Variants in NIM1K observed in about 807,000 individuals in gnomAD.
The protein encoded by NIM1K is NIM1 serine/threonine protein kinase.
In NIM1K, 35 loss-of-function variants were observed where a neutral mutation model predicts 37.1. The ratio of observed to expected loss-of-function variants is 0.94; its 90% CI spans 0.72 to 1.25. The LOEUF (loss-of-function observed/expected upper bound fraction) is 1.25, where lower values mean the gene tolerates loss of function less well. NIM1K is among the 50% of genes most tolerant of loss of function. NIM1K has a pLI of 0.00. For missense variants in NIM1K, 564 were observed against 548.0 expected, an observed-to-expected ratio of 1.03 and a Z score of -0.29; for synonymous variants, 234 against 206.6, an observed-to-expected ratio of 1.13 and a Z score of -1.14.
At chr5:43,202,623 C>T (rs916732661) in intron 1 of NIM1K, among the ~76,000 whole-genome samples, 1 of 152,076 alleles carries the variant, frequency 6.6e-6, no homozygotes, top group African/African-American at 2.4e-5. Flanking sequence ...TTGGTTTAGC[C>T]AAGTATTAAG....
At chr5:43,204,558 A>C (rs2112207477) in intron 1 of NIM1K, among the ~76,000 whole-genome samples, 1 of 151,864 alleles carries the variant, frequency 6.6e-6, no homozygotes, top group Non-Finnish European at 1.5e-5. Flanking sequence ...ACAAAAAATT[A>C]GGCGGGCATG....
chr5:43,205,963 C>T (rs527906025), intron 1 of NIM1K, among the ~76,000 whole-genome samples: 23 of 152,178 alleles, frequency 1.5e-4, no homozygotes, highest in South Asian at 8.3e-4. Context: ...CCGCCCGCCT[C>T]GACCTCCCAA....
intron 1 of NIM1K, among the ~76,000 whole-genome samples, chr5:43,241,109 T>C (rs1752695949): frequency 6.6e-6 from 1 of 152,052 alleles, no homozygotes; most frequent in Non-Finnish European, 1.5e-5. Context: ...TTCCCCATAC[T>C]ATCTCTCACC....
At chr5:43,232,972 A>G in intron 1 of NIM1K, 3 of 1,140,484 alleles carry the variant, frequency 2.6e-6, no homozygotes, top group South Asian at 1.2e-5. Context: ...TTTCAGGTCT[A>G]GAAACACTGC....
intron 2 of NIM1K, among the ~76,000 whole-genome samples, chr5:43,261,221 C>T (rs1753025199): frequency 6.6e-6 from 1 of 152,154 alleles, no homozygotes; most frequent in Non-Finnish European, 1.5e-5. Context: ...GTTTACAGTC[C>T]CACCAACAGT....
chr5:43,202,171 C>T (rs79449096), intron 1 of NIM1K, among the ~76,000 whole-genome samples: 1 of 151,504 alleles, frequency 6.6e-6, no homozygotes, highest in Non-Finnish European at 1.5e-5. Flanking sequence ...ACTTTTAAAT[C>T]CCCCCAATTT....
chr5:43,228,621 T>C (rs1279545545), intron 1 of NIM1K, among the ~76,000 whole-genome samples: 1 of 150,734 alleles, frequency 6.6e-6, no homozygotes, highest in Admixed American at 6.6e-5. Flanking sequence ...ACCCAGGAAT[T>C]CAAGACCAGC....
In NIM1K at chr5:43,254,783, G is replaced by A. The variant is rs188852652; in HGVS notation, c.292+8716G>A. ...AGTCTCAACTATGGTTATCCAGGCC[G>A]TTCAAGAACTTCTGGGCTCAAGCAA... On this transcript the variant is annotated intron_variant, in intron 2 of 3. Coordinates refer to ENST00000326035, the MANE Select transcript of NIM1K (RefSeq NM_153361.4). 3.2e-3 allele frequency among the ~76,000 whole-genome samples: 490 copies of A among 152,116 alleles called. 3 individuals are homozygous for A. The highest frequency in any genetic ancestry group is 6.1e-3 in the Admixed American group (94 of 15,288).
Position 43,251,264 on chromosome 5 carries a change from A to G in NIM1K, c.292+5197A>G, listed in dbSNP as rs1458579569. Among the ~76,000 whole-genome samples the G allele has an allele frequency of 5.9e-5, 9 of 152,360 alleles. No homozygotes were observed. The East Asian group carries it at 1.5e-3, about 26-fold the overall frequency. On this transcript the variant is annotated intron_variant, in intron 2 of 3. Transcript: ENST00000326035. The stretch of plus-strand genomic sequence containing the variant: ...AAGGAAAATTACAAGTAACAAAGTA[A>G]TTTTTAAAACATGCTAACAATCAAT...
At chr5:43,258,436 T>C (rs2112280237) in intron 2 of NIM1K, among the ~76,000 whole-genome samples, 1 of 152,090 alleles carries the variant, frequency 6.6e-6, no homozygotes, top group East Asian at 1.9e-4. Context: ...ACAAGCGTTT[T>C]TGGTAAACTT....
At chr5:43,198,168 T>C (rs939096481) in intron 1 of NIM1K, among the ~76,000 whole-genome samples, 1 of 54,074 alleles carries the variant, frequency 1.8e-5, no homozygotes, top group Non-Finnish European at 3.8e-5. Flanking sequence ...TCTTTCTTTC[T>C]TTCTTTCTTT....
intron 2 of NIM1K, among the ~76,000 whole-genome samples, chr5:43,253,844 G>T (rs1339538727): frequency 6.6e-6 from 1 of 152,102 alleles, no homozygotes; most frequent in East Asian, 1.9e-4. Context: ...TGTATCTTTA[G>T]TAGAGATGGG....
At chr5:43,266,262 G>C (rs1334984528) in intron 2 of NIM1K, among the ~76,000 whole-genome samples, 1 of 152,182 alleles carries the variant, frequency 6.6e-6, no homozygotes, top group African/African-American at 2.4e-5. Flanking sequence ...GCTGTGGGGG[G>C]CTCCACCCAG....
At chr5:43,208,832 G>C (rs1287317584) in intron 1 of NIM1K, among the ~76,000 whole-genome samples, 1 of 152,092 alleles carries the variant, frequency 6.6e-6, no homozygotes, top group Middle Eastern at 3.2e-3. Flanking sequence ...TGGAATCCTG[G>C]GTAAACACTG....
intron 2 of NIM1K, among the ~76,000 whole-genome samples, chr5:43,254,584 C>T (rs1339636645): frequency 6.6e-6 from 1 of 152,142 alleles, no homozygotes; most frequent in African/African-American, 2.4e-5. Context: ...TCATGAAAAT[C>T]CAGGAGTGGT....
chr5:43,221,977 G>A (rs774570796), intron 1 of NIM1K, among the ~76,000 whole-genome samples: 1 of 152,180 alleles, frequency 6.6e-6, no homozygotes, highest in Non-Finnish European at 1.5e-5. Flanking sequence ...TTGAATAAAC[G>A]GATGAAGCAT....
rs552935529 is a variant in NIM1K at position 43,216,162 on chromosome 5, T to A, written c.-695+23751T>A. 2.5e-4 allele frequency among the ~76,000 whole-genome samples: 38 copies of A among 152,226 alleles called. 1 individual carries two copies. The highest frequency in any genetic ancestry group is 8.4e-4 in the African/African-American group (35 of 41,502). On this transcript the variant is annotated intron_variant, in intron 1 of 3. Coordinates refer to ENST00000326035, the MANE Select transcript of NIM1K (RefSeq NM_153361.4). ...ATTTCCTGAGTAGCATTTTAAAATG[T>A]AGTATTGTTTTGTATGGACTAAATA... is the stretch of plus-strand genomic sequence containing the variant.
At position 43,245,902 on chromosome 5, in the gene NIM1K, C is replaced by G; in HGVS notation, c.127C>G (p.Arg43Gly). ...CAAGGAGGGTGAGGAGGGACAGCCC[C>G]GCCAGCTGACGCCCTTCGAGAAACT... ...SSKEGEEGQP[R>G]QLTPFEKLTQ... The change falls in exon 2 of 4, where the codon CGC (arginine) becomes GGC (glycine). Residue 43 changes from arginine (R) to glycine (G), a missense_variant. Transcript: ENST00000326035. 1 of 1,614,086 alleles carries G rather than the reference C, an allele frequency of 6.2e-7. No homozygotes were observed.
intron 2 of NIM1K, among the ~76,000 whole-genome samples, chr5:43,258,455 T>C (rs1752978796): frequency 6.6e-6 from 1 of 152,070 alleles, no homozygotes; most frequent in African/African-American, 2.4e-5. Flanking sequence ...TTTTTTTTTT[T>C]TTTTGAGGCA....
Sources: gnomAD v4.1 joint callset for allele counts (sites outside exome capture counted in the v4.1 genomes callset) on GRCh38, gnomAD v4.1.1 for gene constraint, MANE v1.5 for transcripts, NCBI Gene and HGNC (gene_info 2026-07-23, HGNC 2026-07-21) for gene names.